SHTN1: variants seen among roughly 807,000 people sequenced by gnomAD.
The protein encoded by SHTN1 is shootin-1.
Under a neutral mutation model 83.1 loss-of-function variants are expected in SHTN1, and 42 were observed. That is an observed-to-expected ratio of 0.51 (90% CI 0.39 to 0.65). SHTN1 has a LOEUF of 0.65. SHTN1 is among the 30% of genes least tolerant of loss of function. The pLI is 0.00. For missense variants in SHTN1, 622 were observed against 737.8 expected (o/e 0.84, Z 1.82); for synonymous variants, 224 against 247.7 (o/e 0.90, Z 0.90).
Position 117,055,905 on chromosome 10 carries a change from G to A in SHTN1, c.-188-7395C>T, listed in dbSNP as rs201695671. 3.9e-5 allele frequency among the ~76,000 whole-genome samples: 6 copies of A among 152,144 alleles called. No individual in the cohort carries two copies. In the East Asian group the frequency reaches 7.7e-4, roughly 20 times the overall value. ...AAAATAATGGTTAAAAGGGTAAATTGTATGCTATGTATGTTTTACTGTAAT... is the reference window on the plus strand; with the variant it reads ...AAAATAATGGTTAAAAGGGTAAATTATATGCTATGTATGTTTTACTGTAAT... On this transcript the variant is annotated intron_variant, in intron 1 of 17. Transcript: ENST00000392901.
rs1216976663 is a variant in SHTN1 at position 116,883,334 on chromosome 10, TGAAA to T, written c.*3006_*3009del. 2 of 152,182 alleles carry T rather than the reference TGAAA, an allele frequency of 1.3e-5. No homozygotes were observed. Among genetic ancestry groups the T allele is most frequent in the African/African-American group, 2.4e-5 (1 of 41,534 alleles). The allele number at this position is 152,182 out of a possible 1,614,324, so 9.4% of individuals were successfully genotyped here. A position where few individuals can be genotyped will look rare whatever the true frequency, so the allele number is the denominator to read the frequency against. On this transcript the variant is annotated 3_prime_UTR_variant, in exon 17 of 17. Coordinates refer to ENST00000355371, the MANE Select transcript of SHTN1 (RefSeq NM_001127211.3). Reference sequence around the variant, plus strand: ...TATATAATATTATCTGTGAAAGAAATGAAAGAAACAGTCACATACCAAATTAAAA... The same window carrying T: ...TATATAATATTATCTGTGAAAGAAATGAAACAGTCACATACCAAATTAAAA...
intron 1 of SHTN1, among the ~76,000 whole-genome samples, chr10:117,075,354 G>A (rs1853137079): frequency 6.6e-6 from 1 of 152,162 alleles, no homozygotes; most frequent in South Asian, 2.1e-4. Context: ...GTGCATTTGA[G>A]ATGGTAAAAG....
intron 1 of SHTN1, among the ~76,000 whole-genome samples, chr10:117,086,153 C>T (rs1055861256): frequency 3.3e-5 from 5 of 152,126 alleles, no homozygotes; most frequent in African/African-American, 7.2e-5. Flanking sequence ...CTCCTGACCT[C>T]GTGATCTGCC....
At chr10:116,906,544 A>G in intron 15 of SHTN1, 83 bp downstream of exon 15, 1 of 1,352,874 alleles carries the variant, frequency 7.4e-7, no homozygotes, top group Non-Finnish European at 1.0e-6. Context: ...ACTTTTTAAA[A>G]GATTGTTTCA....
chr10:116,948,106 T>C (rs1849652231), intron 7 of SHTN1, among the ~76,000 whole-genome samples: 1 of 152,176 alleles, frequency 6.6e-6, no homozygotes, highest in Non-Finnish European at 1.5e-5. Flanking sequence ...GTATATTAAG[T>C]TCTTCTTACC....
intron 3 of SHTN1, among the ~76,000 whole-genome samples, chr10:116,965,966 T>C (rs1850375963): frequency 6.6e-6 from 1 of 152,190 alleles, no homozygotes. Flanking sequence ...GATACAGTTT[T>C]CTGACAAATA....
intron 1 of SHTN1, among the ~76,000 whole-genome samples, chr10:117,109,691 A>G (rs1476269432): frequency 6.8e-6 from 1 of 146,916 alleles, no homozygotes; most frequent in East Asian, 2.1e-4. Context: ...CAGCCTCCCA[A>G]GTAGCTGGGA....
chr10:117,026,077 G>A (rs969611705), intron 2 of SHTN1, among the ~76,000 whole-genome samples: 1 of 152,210 alleles, frequency 6.6e-6, no homozygotes, highest in African/African-American at 2.4e-5. Context: ...TTAGGTACCA[G>A]CTCAGCCACA....
At chr10:117,029,245 T>A (rs1006986977) in intron 2 of SHTN1, among the ~76,000 whole-genome samples, 8 of 152,240 alleles carry the variant, frequency 5.3e-5, no homozygotes, top group Non-Finnish European at 1.0e-4. Flanking sequence ...CCTTTTGGAA[T>A]GGGAATATTT....
chr10:116,997,822 A>G (rs540688016), intron 1 of SHTN1, among the ~76,000 whole-genome samples: 2 of 152,242 alleles, frequency 1.3e-5, no homozygotes, highest in South Asian at 4.1e-4. Flanking sequence ...GCCAGGCGCG[A>G]TGGCTCACGC....
chr10:117,049,307 G>A (rs1352226043), intron 1 of SHTN1, among the ~76,000 whole-genome samples: 3 of 151,948 alleles, frequency 2.0e-5, no homozygotes, highest in African/African-American at 7.2e-5. Flanking sequence ...GTTCAAGGTG[G>A]CAAACACTTT....
chr10:116,902,489 A>T (rs1847783917), intron 15 of SHTN1, among the ~76,000 whole-genome samples: 1 of 152,256 alleles, frequency 6.6e-6, no homozygotes, highest in South Asian at 2.1e-4. Flanking sequence ...ACACAGACAC[A>T]AAATCATAAA....
intron 1 of SHTN1, among the ~76,000 whole-genome samples, chr10:117,120,669 T>C (rs1236263198): frequency 6.6e-6 from 1 of 152,224 alleles, no homozygotes; most frequent in African/African-American, 2.4e-5. Context: ...AACAAATCTA[T>C]GGTTTGGTAG....
At chr10:117,109,492 G>A (rs1006679126) in intron 1 of SHTN1, among the ~76,000 whole-genome samples, 3 of 139,858 alleles carry the variant, frequency 2.1e-5, no homozygotes, top group African/African-American at 8.0e-5. Context: ...GATTGTTAGT[G>A]ATTTTTATAT....
At chr10:116,967,013 T>C (rs571017944) in intron 3 of SHTN1, among the ~76,000 whole-genome samples, 110 of 152,338 alleles carry the variant, frequency 7.2e-4, no homozygotes, top group South Asian at 1.2e-3. Flanking sequence ...GAAGTAAACT[T>C]GCTGTTGAAA....
intron 1 of SHTN1, among the ~76,000 whole-genome samples, chr10:117,058,697 T>C (rs1015373678): frequency 6.6e-6 from 1 of 152,214 alleles, no homozygotes; most frequent in African/African-American, 2.4e-5. Context: ...TGAAGGGATA[T>C]TTGTACACCT....
At chr10:116,993,347 G>T (rs1851514038) in intron 1 of SHTN1, among the ~76,000 whole-genome samples, 1 of 152,026 alleles carries the variant, frequency 6.6e-6, no homozygotes, top group Non-Finnish European at 1.5e-5. Flanking sequence ...GTTGTAGGTT[G>T]TTCTTACGTG....
chr10:117,026,243 C>G (rs543408689), intron 2 of SHTN1, among the ~76,000 whole-genome samples: 12 of 152,294 alleles, frequency 7.9e-5, no homozygotes, highest in Middle Eastern at 3.4e-3. Context: ...GACTGAAAAG[C>G]CCTTCAGCCT....
At chr10:117,120,856 C>G (rs1853913656) in intron 1 of SHTN1, among the ~76,000 whole-genome samples, 1 of 149,118 alleles carries the variant, frequency 6.7e-6, no homozygotes, top group Non-Finnish European at 1.5e-5. Context: ...GTTGCCCAGG[C>G]TGAAGTACAG....
Sources: allele counts gnomAD v4.1 joint callset (sites outside exome capture counted in the v4.1 genomes callset), GRCh38; gene constraint gnomAD v4.1.1; transcripts MANE v1.5; gene names NCBI Gene and HGNC (gene_info 2026-07-23, HGNC 2026-07-21).